TNFAIP8: variants seen among roughly 807,000 people sequenced by gnomAD.
TNFAIP8 encodes tumor necrosis factor alpha-induced protein 8.
TNFAIP8 carries 7 observed loss-of-function variants against 13.3 expected under a neutral mutation model. The ratio of observed to expected loss-of-function variants is 0.52; its 90% CI spans 0.30 to 0.99. TNFAIP8 has a LOEUF of 0.99. Among genes scored for constraint, TNFAIP8 ranks in the 50% least tolerant of loss-of-function variants. TNFAIP8 has a pLI of 0.07. For synonymous variants in TNFAIP8, 94 were observed against 87.6 expected, an observed-to-expected ratio of 1.07 and a Z score of -0.41; for missense variants, 258 against 236.9, an observed-to-expected ratio of 1.09 and a Z score of -0.58.
At chr5:119,301,138 C>G (rs1749378805) in intron 1 of TNFAIP8, among the ~76,000 whole-genome samples, 1 of 152,200 alleles carries the variant, frequency 6.6e-6, no homozygotes, top group African/African-American at 2.4e-5. Context: ...TGCATTACTT[C>G]TTATGTAAAA....
At chr5:119,338,261 TCAGG>T (rs1194782223) in intron 1 of TNFAIP8, among the ~76,000 whole-genome samples, 9 of 151,476 alleles carry the variant, frequency 5.9e-5, no homozygotes, top group Non-Finnish European at 2.9e-5. Flanking sequence ...TTTGCTCCTG[TCAGG>T]CAGGCAGCCA....
rs995036803 is a variant in TNFAIP8 at position 119,396,924 on chromosome 5, G to T, written c.*3543G>T. On this transcript the variant is annotated 3_prime_UTR_variant, in exon 2 of 2. Transcript: ENST00000504771. The stretch of plus-strand genomic sequence containing the variant: ...CAGGAGAATCGCTGGAACCTGGGAG[G>T]CAGAGGTTGCAGTGAGCTGAGATTG... 2.0e-5 allele frequency: 3 copies of T among 148,742 alleles called. No individual in the cohort carries two copies. The Admixed American group carries it at 2.0e-4, about 10-fold the overall frequency. 9.2% of individuals were successfully genotyped at this position (148,742 alleles called of 1,614,324 possible). A position where few individuals can be genotyped will look rare whatever the true frequency, so the allele number is the denominator to read the frequency against.
chr5:119,294,128 G>A (rs976119966), intron 1 of TNFAIP8, among the ~76,000 whole-genome samples: 1 of 151,624 alleles, frequency 6.6e-6, no homozygotes, highest in Non-Finnish European at 1.5e-5. Flanking sequence ...CATGTGCCAT[G>A]CTGGTGCGCT....
chr5:119,282,909 T>A (rs1748675876), intron 1 of TNFAIP8, among the ~76,000 whole-genome samples: 1 of 152,236 alleles, frequency 6.6e-6, no homozygotes, highest in African/African-American at 2.4e-5. Context: ...TGCATTTTGC[T>A]CAACTTATAC....
At position 119,378,182 on chromosome 5, in the gene TNFAIP8, A is replaced by G. The variant is rs1292869896; in HGVS notation, c.32-14634A>G. On this transcript the variant is annotated intron_variant, in intron 1 of 1. Coordinates refer to ENST00000504771, the MANE Select transcript of TNFAIP8 (RefSeq NM_014350.4). ...ATGATATCCAGGTTACAACTTCTGC[A>G]AGGCATCCTGATCTAAATAAAACGG... Among the ~76,000 whole-genome samples the G allele has an allele frequency of 2.6e-5, 4 of 152,310 alleles. No homozygotes were observed. The East Asian group carries it at 5.8e-4, about 22-fold the overall frequency.
chr5:119,273,206 G>C (rs1015682763), intron 1 of TNFAIP8, among the ~76,000 whole-genome samples: 1 of 152,190 alleles, frequency 6.6e-6, no homozygotes, highest in African/African-American at 2.4e-5. Flanking sequence ...TTATATTATA[G>C]GATTGTTGTG....
chr5:119,276,051 C>G (rs1748432310), intron 1 of TNFAIP8, among the ~76,000 whole-genome samples: 1 of 151,950 alleles, frequency 6.6e-6, no homozygotes, highest in Admixed American at 6.6e-5. Context: ...GATTAACCAC[C>G]CAAGCCCAAC....
rs1304308072 is a variant in TNFAIP8, at chr5:119,278,368, AGAGAGAGAGTGTGT to A, written c.1+9463_1+9476del. On this transcript the variant is annotated intron_variant, in intron 1 of 1. Transcript: ENST00000274456. ...CAGGAAGGGGGAGAGAGAGAGAGAG[AGAGAGAGAGTGTGT>A]GTGTGTGTGTGTGTGTGTGTGTGTG... Among the ~76,000 whole-genome samples the A allele has an allele frequency of 2.2e-3, 292 of 135,452 alleles. 4 individuals carry two copies. The highest frequency in any genetic ancestry group is 7.8e-3 in the African/African-American group (261 of 33,506). The allele number at this position is 135,452 out of a possible 152,430, so 88.9% of individuals were successfully genotyped here.
At chr5:119,290,358 G>T (rs1426362335) in intron 1 of TNFAIP8, among the ~76,000 whole-genome samples, 1 of 152,208 alleles carries the variant, frequency 6.6e-6, no homozygotes, top group Non-Finnish European at 1.5e-5. Flanking sequence ...ATTCTCTGCG[G>T]CTGGAGAATC....
chr5:119,329,997 C>A (rs1408798725), intron 1 of TNFAIP8, among the ~76,000 whole-genome samples: 1 of 152,062 alleles, frequency 6.6e-6, no homozygotes, highest in Non-Finnish European at 1.5e-5. Flanking sequence ...GCCTGCCTTC[C>A]TCCCTGCTTC....
At chr5:119,292,625 T>G (rs1749021353) in intron 1 of TNFAIP8, among the ~76,000 whole-genome samples, 1 of 119,456 alleles carries the variant, frequency 8.4e-6, no homozygotes, top group Non-Finnish European at 1.7e-5. Context: ...CACCAATTAG[T>G]GAATGAATAA....
chr5:119,335,206 C>T (rs573585366), intron 1 of TNFAIP8, among the ~76,000 whole-genome samples: 1 of 152,290 alleles, frequency 6.6e-6, no homozygotes, highest in East Asian at 1.9e-4. Flanking sequence ...GCATCACCAC[C>T]TTTTCCCAAT....
At chr5:119,345,312 A>C (rs187457509) in intron 1 of TNFAIP8, among the ~76,000 whole-genome samples, 110 of 152,358 alleles carry the variant, frequency 7.2e-4, no homozygotes, top group Admixed American at 7.1e-3. Context: ...CTAGGAAAAC[A>C]ATATGACAGT....
rs553912815 is a variant in TNFAIP8, at chr5:119,342,264, G to A, written c.2-50552G>A. On this transcript the variant is annotated intron_variant, in intron 1 of 1. Coordinates refer to the TNFAIP8 transcript ENST00000274456. Reference sequence around the variant, plus strand: ...GGTAGCCTCTCAGAGATAGCACCTTGTGTTGTCCCCTTTAGGTTAGAGCTG... The same window carrying A: ...GGTAGCCTCTCAGAGATAGCACCTTATGTTGTCCCCTTTAGGTTAGAGCTG... Among the ~76,000 whole-genome samples, 3 of 152,314 alleles carry A rather than the reference G, an allele frequency of 2.0e-5. No individual in the cohort carries two copies. The South Asian group carries it at 6.2e-4, about 32-fold the overall frequency.
chr5:119,303,047 C>A (rs577003304), intron 1 of TNFAIP8, among the ~76,000 whole-genome samples: 5 of 152,292 alleles, frequency 3.3e-5, no homozygotes, highest in Non-Finnish European at 7.4e-5. Context: ...CTCCTCCTCC[C>A]TGTTAGAAAG....
intron 1 of TNFAIP8, among the ~76,000 whole-genome samples, chr5:119,298,090 C>G (rs1441989058): frequency 6.6e-6 from 1 of 152,208 alleles, no homozygotes; most frequent in East Asian, 1.9e-4. Context: ...TTAATTGGAG[C>G]ATTTAGTCCA....
chr5:119,273,536 C>T (rs776539844), intron 1 of TNFAIP8, among the ~76,000 whole-genome samples: 1 of 152,130 alleles, frequency 6.6e-6, no homozygotes, highest in African/African-American at 2.4e-5. Context: ...GCAGGGCATT[C>T]GAGTTTTATG....
chr5:119,363,710 C>T (rs1003018452), intron 1 of TNFAIP8, among the ~76,000 whole-genome samples: 14 of 152,182 alleles, frequency 9.2e-5, no homozygotes, highest in African/African-American at 3.4e-4. Context: ...TTTCAGCGGA[C>T]GTTGACTAGA....
chr5:119,379,379 C>T (rs562609592), intron 1 of TNFAIP8, among the ~76,000 whole-genome samples: 30 of 152,240 alleles, frequency 2.0e-4, no homozygotes, highest in African/African-American at 7.0e-4. Flanking sequence ...AACTCTTTCA[C>T]AAGACAGAAA....
Sources: allele counts gnomAD v4.1 joint callset (sites outside exome capture counted in the v4.1 genomes callset), GRCh38; gene constraint gnomAD v4.1.1; transcripts MANE v1.5; gene names NCBI Gene and HGNC (gene_info 2026-07-23, HGNC 2026-07-21).